The following ADK variants were observed in gnomAD, a reference collection of about 807,000 sequenced individuals.
ADK encodes the protein N6,N6-dimethyladenosine kinase.
Under a neutral mutation model 44.7 loss-of-function variants are expected in ADK, and 24 were observed. That is an observed-to-expected ratio of 0.54 (90% CI 0.39 to 0.76). The LOEUF (loss-of-function observed/expected upper bound fraction) is 0.76, where lower values mean the gene tolerates loss of function less well. ADK is among the 30% of genes least tolerant of loss of function. ADK has a pLI of 0.00. For missense variants in ADK, 321 were observed against 425.1 expected, an observed-to-expected ratio of 0.76 and a Z score of 2.15; for synonymous variants, 128 against 142.6, an observed-to-expected ratio of 0.90 and a Z score of 0.73.
At chr10:74,456,684 A>C (rs902348463) in intron 6 of ADK, among the ~76,000 whole-genome samples, 1 of 151,066 alleles carries the variant, frequency 6.6e-6, no homozygotes, top group African/African-American at 2.4e-5. Flanking sequence ...AAAAAAAAAA[A>C]AAAAAACCTC....
chr10:74,199,999 G>A (rs1403186867), intron 1 of ADK, among the ~76,000 whole-genome samples: 2 of 151,540 alleles, frequency 1.3e-5, no homozygotes, highest in Non-Finnish European at 2.9e-5. Flanking sequence ...ATTTTTCTTT[G>A]GGTATATACC....
intron 6 of ADK, among the ~76,000 whole-genome samples, chr10:74,443,026 G>C (rs1296293097): frequency 6.6e-6 from 1 of 152,140 alleles, no homozygotes; most frequent in Admixed American, 6.5e-5. Flanking sequence ...TGGAATGATG[G>C]GGAGATTTTG....
In ADK at chr10:74,544,658, C is replaced by T. The variant is rs189319688; in HGVS notation, c.726+19232C>T. Among the ~76,000 whole-genome samples the T allele has an allele frequency of 2.9e-3, 447 of 152,110 alleles. 1 individual carries two copies. The highest frequency in any genetic ancestry group is 9.1e-3 in the African/African-American group (377 of 41,508). On this transcript the variant is annotated intron_variant, in intron 7 of 10. Transcript: ENST00000539909. ...TTGGGGGGCTGAGGCGGGCAGATCA[C>T]GAGGTCAGGAGATCGAGACCATCCT...
chr10:74,514,948 C>A (rs1486891963), intron 6 of ADK, among the ~76,000 whole-genome samples: 2 of 152,064 alleles, frequency 1.3e-5, no homozygotes, highest in African/African-American at 4.8e-5. Flanking sequence ...CCTCAACTCC[C>A]CAAGTAGCTG....
intron 4 of ADK, among the ~76,000 whole-genome samples, chr10:74,356,627 A>G (rs1336939777): frequency 1.3e-5 from 2 of 152,186 alleles, no homozygotes; most frequent in Non-Finnish European, 1.5e-5. Flanking sequence ...TGTTCAGTAC[A>G]TCTCTAGCAA....
At chr10:74,470,172 G>A (rs990234319) in intron 6 of ADK, among the ~76,000 whole-genome samples, 6 of 151,738 alleles carry the variant, frequency 4.0e-5, no homozygotes, top group Admixed American at 6.6e-5. Flanking sequence ...CTACAGGTGC[G>A]CGCAACCACA....
chr10:74,305,439 C>A (rs1278057692), intron 3 of ADK, among the ~76,000 whole-genome samples: 1 of 152,076 alleles, frequency 6.6e-6, no homozygotes, highest in Non-Finnish European at 1.5e-5. Flanking sequence ...TTGGACCTAT[C>A]CCCTTCCCTC....
intron 3 of ADK, among the ~76,000 whole-genome samples, chr10:74,291,654 T>C (rs74678061): frequency 0.019 from 2,921 of 151,932 alleles, 73 homozygotes; most frequent in African/African-American, 0.057. Flanking sequence ...TGATTTTTTT[T>C]CAAATATTTT....
rs574924659 is a variant in ADK, at chr10:74,692,941, G to A, written c.965-15380G>A. The stretch of plus-strand genomic sequence containing the variant: ...GACTGTATATCACATTCTAGAAAAG[G>A]CAAAACTATGGAGACTGTAAAAAAG... On this transcript the variant is annotated intron_variant, in intron 10 of 10. Coordinates refer to ENST00000539909, the MANE Select transcript of ADK (RefSeq NM_006721.4). 3.9e-5 allele frequency among the ~76,000 whole-genome samples: 6 copies of A among 152,212 alleles called. No homozygotes were observed. The South Asian group carries it at 1.2e-3, about 32-fold the overall frequency.
At chr10:74,330,218 C>T (rs912334804) in intron 4 of ADK, among the ~76,000 whole-genome samples, 1 of 151,944 alleles carries the variant, frequency 6.6e-6, no homozygotes, top group Non-Finnish European at 1.5e-5. Flanking sequence ...TGGGTTTTTG[C>T]TTTATGTTAC....
chr10:74,291,333 C>T (rs776412827), intron 3 of ADK, among the ~76,000 whole-genome samples: 2 of 152,080 alleles, frequency 1.3e-5, no homozygotes, highest in African/African-American at 2.4e-5. Context: ...AGGAGAATGG[C>T]GTGAACCCAG....
chr10:74,358,729 A>G (rs1381977606), intron 4 of ADK, among the ~76,000 whole-genome samples: 3 of 152,228 alleles, frequency 2.0e-5, no homozygotes, highest in East Asian at 1.9e-4. Context: ...CAAATACTAC[A>G]TCTCTCCAGC....
chr10:74,506,328 C>T (rs574877863), intron 6 of ADK: 7 of 266,434 alleles, frequency 2.6e-5, no homozygotes, highest in South Asian at 3.8e-5. Context: ...CCTCAATCTA[C>T]GGTACATATC....
chr10:74,562,963 TTTTGG>T (rs1404930633), intron 7 of ADK, among the ~76,000 whole-genome samples: 2 of 152,156 alleles, frequency 1.3e-5, no homozygotes, highest in African/African-American at 4.8e-5. Flanking sequence ...TTTGGTTTGG[TTTTGG>T]TTTGGTTTTC....
intron 6 of ADK, among the ~76,000 whole-genome samples, chr10:74,432,202 AAGT>A (rs1396038665): frequency 6.6e-6 from 1 of 152,164 alleles, no homozygotes; most frequent in Non-Finnish European, 1.5e-5. Flanking sequence ...TTTAAAATAA[AAGT>A]AGCACAAACA....
intron 3 of ADK, among the ~76,000 whole-genome samples, chr10:74,292,790 C>T (rs545598567): frequency 1.3e-5 from 2 of 152,194 alleles, no homozygotes; most frequent in Admixed American, 1.3e-4. Flanking sequence ...GTCATCTGTA[C>T]CCCCACCTCT....
At chr10:74,639,793 G>C (rs1032212184) in intron 9 of ADK, among the ~76,000 whole-genome samples, 1 of 152,028 alleles carries the variant, frequency 6.6e-6, no homozygotes, top group Non-Finnish European at 1.5e-5. Context: ...CCGAGATCTC[G>C]CTACTGCACT....
chr10:74,377,880 A>G (rs1363104955), intron 4 of ADK, among the ~76,000 whole-genome samples: 1 of 152,192 alleles, frequency 6.6e-6, no homozygotes, highest in Non-Finnish European at 1.5e-5. Context: ...GCCCACAGAC[A>G]TCTGTTCAGT....
chr10:74,322,365 G>A (rs537296757), intron 4 of ADK, among the ~76,000 whole-genome samples: 2 of 152,268 alleles, frequency 1.3e-5, no homozygotes, highest in South Asian at 4.1e-4. Flanking sequence ...TCAATTCTTT[G>A]TGTCATTGAA....
Sources: gnomAD v4.1 joint callset for allele counts (sites outside exome capture counted in the v4.1 genomes callset) on GRCh38, gnomAD v4.1.1 for gene constraint, MANE v1.5 for transcripts, NCBI Gene and HGNC (gene_info 2026-07-23, HGNC 2026-07-21) for gene names.